Variants in SAFB observed in about 807,000 individuals in gnomAD.
The protein encoded by SAFB is scaffold attachment factor B1.
In SAFB, 15 loss-of-function variants were observed where a neutral mutation model predicts 101.6. The observed-to-expected ratio is 0.15, with a 90% CI of 0.10 to 0.23. The LOEUF (loss-of-function observed/expected upper bound fraction) is 0.23, where lower values mean the gene tolerates loss of function less well. Ranked by LOEUF, SAFB falls within the 10% of genes least tolerant of loss-of-function variation. The pLI is 1.00. For missense variants in SAFB, 930 were observed against 1,104.1 expected (o/e 0.84, Z 2.23); for synonymous variants, 449 against 407.5 (o/e 1.10, Z -1.23).
chr19:5,653,065 C>T (rs1311420399), intron 9 of SAFB, 50 bp from the exon 10 acceptor site: 1 of 1,605,426 alleles, frequency 6.2e-7, no homozygotes, highest in East Asian at 2.2e-5. Flanking sequence ...TCCCCATGCC[C>T]CGCTCAGTGG....
Position 5,668,431 on chromosome 19 carries a change from G to A in SAFB, c.*140G>A. 1 of 975,070 alleles carries A rather than the reference G, an allele frequency of 1.0e-6. No homozygotes were observed. The highest frequency in any genetic ancestry group is 1.8e-5 in the South Asian group (1 of 56,866). The allele number at this position is 975,070 out of a possible 1,614,324, so 60.4% of individuals were successfully genotyped here. ...CAATGTGAATTTGTTTTTCGTTTTG[G>A]GGTTTTTTTTTTTTGTAATAAATGT... On this transcript the variant is annotated 3_prime_UTR_variant, in exon 21 of 21. Coordinates refer to ENST00000588852, the MANE Select transcript of SAFB (RefSeq NM_001201338.2).
chr19:5,641,409 T>C (rs558480925), intron 2 of SAFB, among the ~76,000 whole-genome samples, 185 bp from the exon 3 acceptor site: 1 of 151,878 alleles, frequency 6.6e-6, no homozygotes, highest in East Asian at 1.9e-4. Context: ...CAGAACCTCT[T>C]CTGCTTGGGG....
intron 14 of SAFB, 39 bp from the exon 15 acceptor site, chr19:5,661,479 G>T: frequency 1.2e-6 from 2 of 1,605,012 alleles, no homozygotes; most frequent in South Asian, 2.2e-5. Flanking sequence ...CCTGGCTGGG[G>T]GTGTCTAGGT....
At chr19:5,664,612 G>T (rs1157937639) in intron 17 of SAFB, 173 bp downstream of exon 17, 2 of 598,086 alleles carry the variant, frequency 3.3e-6, no homozygotes, top group Non-Finnish European at 6.0e-6. Flanking sequence ...ATTATTTGGG[G>T]TTAGTCTTGG....
At position 5,655,882 on chromosome 19, in the gene SAFB, A is replaced by G. The variant is rs73542969; in HGVS notation, c.1756-1359A>G. 7.1e-3 allele frequency among the ~76,000 whole-genome samples: 1,085 copies of G among 152,342 alleles called. 16 individuals are homozygous for G. The highest frequency in any genetic ancestry group is 0.024 in the African/African-American group (999 of 41,574). ...TTGTCAAGTGTACCGGAAGTGCTTC[A>G]TTTGGGAACTCATTGTGTGTTTAAT... On this transcript the variant is annotated intron_variant, in intron 13 of 20. Coordinates refer to ENST00000588852, the MANE Select transcript of SAFB (RefSeq NM_001201338.2).
intron 14 of SAFB, among the ~76,000 whole-genome samples, chr19:5,660,704 C>CAAA (rs60011056): frequency 1.0e-4 from 8 of 76,580 alleles, no homozygotes; most frequent in African/African-American, 1.9e-4. Context: ...CCATCTCTAC[C>CAAA]AAAAAAAAAA....
chr19:5,665,916 C>T (rs1263353740), intron 17 of SAFB: 1 of 152,200 alleles, frequency 6.6e-6, no homozygotes, highest in African/African-American at 2.4e-5. Context: ...CATCAGAGCA[C>T]ATGCTGGGAG....
At position 5,648,985 on chromosome 19, in the gene SAFB, G is replaced by A. The variant is rs1210216406; in HGVS notation, c.638-4G>A. 10 of 424,814 alleles carry A rather than the reference G, an allele frequency of 2.4e-5. No individual in the cohort carries two copies. Among genetic ancestry groups the A allele is most frequent in the African/African-American group, 7.8e-5 (3 of 38,572 alleles). 26.3% of individuals were successfully genotyped at this position (424,814 alleles called of 1,614,324 possible). ...GTGCCATTCTATTCCTGTTAAATCC[G>A]TAGAAAATGAGAAAATACTCGACAT... On this transcript the variant is annotated splice_region_variant and splice_polypyrimidine_tract_variant and intron_variant, in intron 6 of 20. Coordinates refer to ENST00000588852, the MANE Select transcript of SAFB (RefSeq NM_001201338.2).
chr19:5,627,269 T>C (rs1252438024), intron 2 of SAFB, among the ~76,000 whole-genome samples: 1 of 151,750 alleles, frequency 6.6e-6, no homozygotes, highest in Admixed American at 6.6e-5. Context: ...GGTTTCAGTC[T>C]AGGAGTTTGA....
chr19:5,653,091 C>A, intron 9 of SAFB, 24 bp from the exon 10 acceptor site: 1 of 1,612,538 alleles, frequency 6.2e-7, no homozygotes, highest in Non-Finnish European at 8.5e-7. Context: ...ATGTCTGAGT[C>A]ATATTTGCCT....
intron 2 of SAFB, among the ~76,000 whole-genome samples, chr19:5,635,691 G>C (rs2053581245): frequency 6.6e-6 from 1 of 152,138 alleles, no homozygotes; most frequent in South Asian, 2.1e-4. Context: ...AGAGTCAGCA[G>C]TGAGATTGGA....
At chr19:5,662,234 A>G (rs1366693910) in intron 15 of SAFB, among the ~76,000 whole-genome samples, 1 of 152,110 alleles carries the variant, frequency 6.6e-6, no homozygotes, top group Non-Finnish European at 1.5e-5. Context: ...GCGCTAGTTC[A>G]CGCCTGTAAT....
chr19:5,631,554 C>T (rs1490694296), intron 2 of SAFB, among the ~76,000 whole-genome samples: 1 of 152,186 alleles, frequency 6.6e-6, no homozygotes, highest in African/African-American at 2.4e-5. Context: ...ATTCAAAATG[C>T]TTTAAAATTC....
At chr19:5,663,572 G>A (rs2054263093) in intron 15 of SAFB, among the ~76,000 whole-genome samples, 1 of 152,146 alleles carries the variant, frequency 6.6e-6, no homozygotes, top group African/African-American at 2.4e-5. Context: ...AAATCCTTCT[G>A]ATGACAGTTC....
At chr19:5,628,466 A>T (rs1307499897) in intron 2 of SAFB, among the ~76,000 whole-genome samples, 1 of 152,146 alleles carries the variant, frequency 6.6e-6, no homozygotes, top group Non-Finnish European at 1.5e-5. Context: ...TTAATACCAT[A>T]TTTTTTATAA....
At chr19:5,648,531 C>A (rs1011326875) in intron 6 of SAFB, 21 of 314,906 alleles carry the variant, frequency 6.7e-5, no homozygotes, top group Non-Finnish European at 1.2e-4. Context: ...ACACTGTTCA[C>A]TTTCTGGACT....
rs2054358903 is a variant in SAFB, at chr19:5,667,480, A to ATG, written c.2557+33_2557+34dup. ...GGAGCAGCTCTGGGCTGGGACCAGG[A>ATG]TGTGCTGGGGAGTGATGGAAAGATG... On this transcript the variant is annotated intron_variant, in intron 19 of 20. Coordinates refer to ENST00000588852, the MANE Select transcript of SAFB (RefSeq NM_001201338.2). This position sits in a 1 kb window ranked among gnomAD's most constrained non-coding sequence, Gnocchi z 4.0. 1 of 1,442,006 alleles carries ATG rather than the reference A, an allele frequency of 6.9e-7. No individual in the cohort carries two copies. The highest frequency in any genetic ancestry group is 2.6e-5 in the Admixed American group (1 of 38,022). The allele number at this position is 1,442,006 out of a possible 1,614,324, so 89.3% of individuals were successfully genotyped here. A position where few individuals can be genotyped will look rare whatever the true frequency, so the allele number is the denominator to read the frequency against.
chr19:5,644,513 C>T (rs2053786351), intron 4 of SAFB, among the ~76,000 whole-genome samples: 1 of 152,202 alleles, frequency 6.6e-6, no homozygotes, highest in Non-Finnish European at 1.5e-5. Context: ...ATGACCACTG[C>T]ATGGCAGGAA....
intron 2 of SAFB, among the ~76,000 whole-genome samples, chr19:5,632,364 A>G (rs1019470343): frequency 2.0e-5 from 3 of 152,152 alleles, no homozygotes; most frequent in Admixed American, 1.3e-4. Flanking sequence ...GTATGTTTTT[A>G]CTAGACCGCA....
Sources: gnomAD v4.1 joint callset for allele counts (sites outside exome capture counted in the v4.1 genomes callset) on GRCh38, gnomAD v4.1.1 for gene constraint, Gnocchi (gnomAD v3.1) non-coding constraint, MANE v1.5 for transcripts, NCBI Gene and HGNC (gene_info 2026-07-23, HGNC 2026-07-21) for gene names.